Variants in NANS observed in about 807,000 individuals in gnomAD.
NANS encodes the protein N-acetylneuraminate-9-phosphate synthase.
A neutral mutation model predicts 33.3 loss-of-function variants in NANS; 29 were observed. The observed-to-expected ratio is 0.87, with a 90% CI of 0.65 to 1.19. The LOEUF (loss-of-function observed/expected upper bound fraction) is 1.19, where lower values mean the gene tolerates loss of function less well. Ranked by LOEUF, NANS falls within the 50% of genes most tolerant of loss-of-function variation. The pLI, the probability that NANS is intolerant of heterozygous loss-of-function variation, is 0.00. For synonymous variants in NANS, 163 were observed against 177.2 expected, an observed-to-expected ratio of 0.92 and a Z score of 0.64; for missense variants, 394 against 461.1, an observed-to-expected ratio of 0.85 and a Z score of 1.33.
intron 2 of NANS, among the ~76,000 whole-genome samples, chr9:98,074,366 G>A (rs1351911350): frequency 1.3e-5 from 2 of 152,160 alleles, no homozygotes; most frequent in African/African-American, 4.8e-5. Context: ...ACCCCAGATA[G>A]AGGGAACCCG....
chr9:98,057,312 C>T (rs1247426527), intron 1 of NANS, among the ~76,000 whole-genome samples: 1 of 152,176 alleles, frequency 6.6e-6, no homozygotes, highest in African/African-American at 2.4e-5. Context: ...ATGACTGGGC[C>T]CCTTCCAGCC....
In NANS at chr9:98,081,007, A is replaced by G. The variant is rs779721287; in HGVS notation, c.795A>G (p.Ser265=). ...GAGAACTGGCCGAGCTGGTGCGGTC[A>G]GTGCGTCTTGTGGAGCGTGCCCTGG... ...EPGELAELVR[S]VRLVERALGS... is the part of the protein sequence containing the mutation. The change falls in exon 5 of 6, where the codon TCA becomes TCG. Residue 265 remains serine (S), a synonymous_variant. Coordinates refer to ENST00000210444, the MANE Select transcript of NANS (RefSeq NM_018946.4). The G allele has an allele frequency of 6.2e-7, 1 of 1,614,202 alleles. No homozygotes were observed. Among genetic ancestry groups the G allele is most frequent in the East Asian group, 2.2e-5 (1 of 44,872 alleles).
chr9:98,057,104 G>A (rs192864021), intron 1 of NANS, among the ~76,000 whole-genome samples, 164 bp downstream of exon 1: 573 of 152,346 alleles, frequency 3.8e-3, no homozygotes, highest in Non-Finnish European at 6.5e-3. Flanking sequence ...CTTCCTCACC[G>A]TGTCCGCCAC....
At chr9:98,057,399 G>T (rs913355436) in intron 1 of NANS, among the ~76,000 whole-genome samples, 25 of 152,120 alleles carry the variant, frequency 1.6e-4, no homozygotes, top group African/African-American at 6.0e-4. Flanking sequence ...AGTTGCTGTG[G>T]TCTCTCTCAC....
rs755644611 is a variant in NANS at position 98,060,965 on chromosome 9, G to A, written c.316G>A (p.Gly106Arg). The change falls in exon 2 of 6, where the codon GGG becomes AGG. Residue 106 changes from glycine to arginine, a missense_variant. Physicochemically the swap from Gly to Arg is moderately radical, Grantham distance 125. Coordinates refer to ENST00000210444, the MANE Select transcript of NANS (RefSeq NM_018946.4). Reference sequence around the variant, plus strand: ...GCTGCAGAGGTACGCCGAGGAGGTTGGGATCTTCTTCACTGCCTCTGGCAT... The same window carrying A: ...GCTGCAGAGGTACGCCGAGGAGGTTAGGATCTTCTTCACTGCCTCTGGCAT... Reference protein sequence around the residue: ...RELQRYAEEVGIFFTASGMDE... With the variant: ...RELQRYAEEVRIFFTASGMDE... The A allele has an allele frequency of 6.2e-7, 1 of 1,614,030 alleles. No individual in the cohort carries two copies. Among genetic ancestry groups the A allele is most frequent in the Non-Finnish European group, 8.5e-7 (1 of 1,180,044 alleles).
chr9:98,075,992 T>C (rs1040013950), intron 2 of NANS: 2 of 152,118 alleles, frequency 1.3e-5, no homozygotes, highest in Non-Finnish European at 2.9e-5. Flanking sequence ...TGTTGATGAA[T>C]ACTAGAGAAG....
chr9:98,065,308 C>CTTTTTTTTTT (rs758040892), intron 2 of NANS, among the ~76,000 whole-genome samples: 1 of 92,764 alleles, frequency 1.1e-5, no homozygotes, highest in Non-Finnish European at 2.0e-5. Flanking sequence ...ACTCCTGGTG[C>CTTTTTTTTTT]TTTTTTTTTT....
intron 1 of NANS, 33 bp downstream of exon 1, chr9:98,056,973 G>A (rs779521942): frequency 1.3e-6 from 2 of 1,542,772 alleles, no homozygotes; most frequent in Admixed American, 3.8e-5. Flanking sequence ...CCGGGATTCG[G>A]GCGCCGGGAG....
chr9:98,075,907 A>T (rs1829570237), intron 2 of NANS: 1 of 152,162 alleles, frequency 6.6e-6, no homozygotes, highest in South Asian at 2.1e-4. Context: ...GCAAACTGAG[A>T]TTTTACTCTT....
rs1241967321 is a variant in NANS at position 98,078,328 on chromosome 9, T to G, written c.584T>G (p.Val195Gly). 6.2e-7 allele frequency: 1 copy of G among 1,613,904 alleles called. No homozygotes were observed. Among genetic ancestry groups the G allele is most frequent in the South Asian group, 1.1e-5 (1 of 91,024 alleles). The change falls in exon 4 of 6, where the codon GTC (valine) becomes GGC (glycine). Residue 195 changes from valine to glycine, a missense_variant. Val to Gly is a moderately radical substitution (Grantham distance 109). Transcript: ENST00000210444. ...GCATACCCGCTCCAGCCTGAGGACG[T>G]CAACCTGCGGGTCATCTCGGTGAGC... Reference protein sequence around the residue: ...TSAYPLQPEDVNLRVISEYQK... With the variant: ...TSAYPLQPEDGNLRVISEYQK...
chr9:98,073,877 C>G (rs1302858153), intron 2 of NANS, among the ~76,000 whole-genome samples: 1 of 152,144 alleles, frequency 6.6e-6, no homozygotes, highest in African/African-American at 2.4e-5. Context: ...GCCTCAACCT[C>G]CTGGGTTCAA....
chr9:98,065,491 TTTTTTTTTTTTTTTTTTTTGTA>T (rs1829117582), intron 2 of NANS, among the ~76,000 whole-genome samples: 1 of 131,826 alleles, frequency 7.6e-6, no homozygotes, highest in Admixed American at 7.6e-5. Context: ...TAATTTTTTT[TTTTTTTTTTTTTTTTTTTTGTA>T]TTTTTAGTAG....
At chr9:98,080,507 T>TTA (rs1829804103) in intron 4 of NANS, among the ~76,000 whole-genome samples, 4 of 152,372 alleles carry the variant, frequency 2.6e-5, no homozygotes, top group African/African-American at 9.6e-5. Flanking sequence ...AGACATTCAT[T>TTA]TATAGTTCTG....
intron 2 of NANS, among the ~76,000 whole-genome samples, chr9:98,068,710 G>A (rs1012947601): frequency 1.3e-5 from 2 of 151,570 alleles, no homozygotes; most frequent in African/African-American, 2.4e-5. Flanking sequence ...CTGCTTGGGA[G>A]GCTGAGGCAG....
chr9:98,073,868 C>A (rs1403790418), intron 2 of NANS, among the ~76,000 whole-genome samples: 1 of 152,110 alleles, frequency 6.6e-6, no homozygotes. Context: ...CTCAGTGCAG[C>A]CTCAACCTCC....
Position 98,078,365 on chromosome 9 carries a change from G to T in NANS, c.603+18G>T. The T allele has an allele frequency of 6.2e-7, 1 of 1,609,216 alleles. No individual in the cohort carries two copies. The highest frequency in any genetic ancestry group is 8.5e-7 in the Non-Finnish European group (1 of 1,177,406). ...TCATCTCGGTGAGCAGGAGGGAGGG[G>T]GTTCCCTTCTTGGGCCATTTACTAT... On this transcript the variant is annotated intron_variant, in intron 4 of 5. Coordinates refer to ENST00000210444, the MANE Select transcript of NANS (RefSeq NM_018946.4).
rs201906532 is a variant in NANS at position 98,060,947 on chromosome 9, A to C, written c.298A>C (p.Arg100=). 6.2e-7 allele frequency: 1 copy of C among 1,614,174 alleles called. No homozygotes were observed. The highest frequency in any genetic ancestry group is 1.3e-5 in the African/African-American group (1 of 75,048). Residue 100 remains arginine (R), a synonymous_variant, in exon 2 of 6, where the codon AGG becomes CGG. Transcript: ENST00000210444. ...CCATGACCAGTACAGGGAGCTGCAG[A>C]GGTACGCCGAGGAGGTTGGGATCTT... is the stretch of plus-strand genomic sequence containing the variant. ...FSHDQYRELQ[R]YAEEVGIFFT...
chr9:98,057,871 C>A (rs1324052801), intron 1 of NANS, among the ~76,000 whole-genome samples: 1 of 134,158 alleles, frequency 7.5e-6, no homozygotes, highest in Non-Finnish European at 1.6e-5. Context: ...GGGTCTTGCT[C>A]TGTCACCCAG....
At chr9:98,080,226 T>A (rs556331287) in intron 4 of NANS, among the ~76,000 whole-genome samples, 9 of 152,238 alleles carry the variant, frequency 5.9e-5, no homozygotes, top group Non-Finnish European at 1.3e-4. Flanking sequence ...AAAGAAATAA[T>A]AAATAACAAT....
Sources: allele counts gnomAD v4.1 joint callset (sites outside exome capture counted in the v4.1 genomes callset), GRCh38; gene constraint gnomAD v4.1.1; transcripts MANE v1.5; gene names NCBI Gene and HGNC (gene_info 2026-07-23, HGNC 2026-07-21).